The following SPHKAP variants were observed in gnomAD, a reference collection of about 807,000 sequenced individuals.
The protein encoded by SPHKAP is A-kinase anchor protein SPHKAP.
Under a neutral mutation model 137.5 loss-of-function variants are expected in SPHKAP, and 67 were observed. The ratio of observed to expected loss-of-function variants is 0.49; its 90% CI spans 0.40 to 0.60. SPHKAP has a LOEUF of 0.60. Ranked by LOEUF, SPHKAP falls within the 20% of genes least tolerant of loss-of-function variation. The probability of loss-of-function intolerance (pLI) is 0.00; values close to 1 mark genes in which losing one functional copy is unlikely to be tolerated. For synonymous variants in SPHKAP, 813 were observed against 785.3 expected (o/e 1.04, Z -0.59); for missense variants, 2,097 against 2,069.3 (o/e 1.01, Z -0.26).
rs185189757 is a variant in SPHKAP at position 227,984,821 on chromosome 2, A to G, written c.4960-2961T>C. On this transcript the variant is annotated intron_variant, in intron 11 of 11. Transcript: ENST00000392056. ...TTGATTTGTTTCTCGAGACTTCTCT[A>G]AGGTATCCCCAGTAGTCTTGGTGCC... Among the ~76,000 whole-genome samples, 478 of 152,278 alleles carry G rather than the reference A, an allele frequency of 3.1e-3. 1 individual carries two copies. The highest frequency in any genetic ancestry group is 5.8e-3 in the Non-Finnish European group (396 of 68,030).
intron 7 of SPHKAP, among the ~76,000 whole-genome samples, chr2:228,001,427 AT>A (rs1693875680): frequency 7.2e-6 from 1 of 139,472 alleles, no homozygotes; most frequent in African/African-American, 2.6e-5. Flanking sequence ...AAATATATAC[AT>A]ATATAAATAT....
chr2:228,174,073 C>T (rs1296177301), intron 1 of SPHKAP, among the ~76,000 whole-genome samples: 2 of 152,132 alleles, frequency 1.3e-5, no homozygotes, highest in African/African-American at 4.8e-5. Context: ...ATTCTTAGCT[C>T]TATTGGGAAC....
intron 1 of SPHKAP, among the ~76,000 whole-genome samples, chr2:228,175,212 C>T (rs773915336): frequency 7.2e-5 from 11 of 151,872 alleles, no homozygotes; most frequent in Non-Finnish European, 1.6e-4. Flanking sequence ...ATCCAAGAAG[C>T]TCTTTGGATA....
intron 4 of SPHKAP, among the ~76,000 whole-genome samples, chr2:228,026,825 T>C (rs1196102886): frequency 6.6e-6 from 1 of 152,210 alleles, no homozygotes; most frequent in Admixed American, 6.5e-5. Flanking sequence ...AACCGAGTAA[T>C]TGCAGGTCTA....
At chr2:228,123,224 T>C (rs1698966754) in intron 2 of SPHKAP, among the ~76,000 whole-genome samples, 1 of 152,200 alleles carries the variant, frequency 6.6e-6, no homozygotes, top group Admixed American at 6.6e-5. Flanking sequence ...ATTCTCTATT[T>C]TTTTCTTAAA....
chr2:228,167,296 CA>C (rs771878888), intron 1 of SPHKAP, among the ~76,000 whole-genome samples: 123 of 152,148 alleles, frequency 8.1e-4, no homozygotes, highest in Middle Eastern at 3.2e-3. Context: ...GAAGTCACCA[CA>C]TTTTTTTTCA....
intron 1 of SPHKAP, among the ~76,000 whole-genome samples, chr2:228,149,517 A>T (rs1047048713): frequency 6.6e-6 from 1 of 152,214 alleles, no homozygotes; most frequent in Non-Finnish European, 1.5e-5. Context: ...TATCAGAGAC[A>T]TAAAGGCAGG....
chr2:228,128,098 C>T (rs2106370776), intron 2 of SPHKAP, among the ~76,000 whole-genome samples: 1 of 152,264 alleles, frequency 6.6e-6, no homozygotes, highest in Admixed American at 6.5e-5. Context: ...AATAAGACAA[C>T]AATGAACGTC....
At chr2:228,168,486 A>T (rs550352182) in intron 1 of SPHKAP, among the ~76,000 whole-genome samples, 24 of 152,172 alleles carry the variant, frequency 1.6e-4, no homozygotes, top group Non-Finnish European at 2.9e-4. Context: ...TACAGCTATT[A>T]TGGTGATCTG....
At chr2:228,029,793 TG>T (rs1366791906) in intron 3 of SPHKAP, among the ~76,000 whole-genome samples, 1 of 152,142 alleles carries the variant, frequency 6.6e-6, no homozygotes, top group Non-Finnish European at 1.5e-5. Flanking sequence ...TTTAATAACA[TG>T]CAGCTGGCAC....
intron 1 of SPHKAP, among the ~76,000 whole-genome samples, chr2:228,139,019 T>A (rs1192046577): frequency 6.6e-6 from 1 of 152,146 alleles, no homozygotes; most frequent in Admixed American, 6.5e-5. Flanking sequence ...AACAGGTCAT[T>A]CATTATTAAT....
At chr2:228,163,605 T>C (rs1014918918) in intron 1 of SPHKAP, among the ~76,000 whole-genome samples, 31 of 152,132 alleles carry the variant, frequency 2.0e-4, no homozygotes, top group African/African-American at 7.5e-4. Flanking sequence ...CAGGTCAACA[T>C]GGGTGTTTGC....
intron 1 of SPHKAP, among the ~76,000 whole-genome samples, chr2:228,164,887 C>T (rs1700379210): frequency 6.6e-6 from 1 of 152,160 alleles, no homozygotes; most frequent in African/African-American, 2.4e-5. Context: ...TCTTAAAGAC[C>T]ATGTTCCCTT....
At chr2:228,025,630 A>G (rs1695004668) in intron 4 of SPHKAP, 102 bp from the exon 5 acceptor site, 1 of 1,318,990 alleles carries the variant, frequency 7.6e-7, no homozygotes, top group Non-Finnish European at 1.0e-6. Flanking sequence ...CTGCTCATAC[A>G]TATAGACTGC....
In SPHKAP at chr2:228,131,971, C is replaced by G. The variant is rs753769723; in HGVS notation, c.138+9G>C. ...CTGACAAGAAGAAAGTGGCGTAAGG[C>G]AAGGTTACCTTCTTACAGGCTGTGA... On this transcript the variant is annotated intron_variant, in intron 2 of 11. Transcript: ENST00000392056. 1 of 1,613,214 alleles carries G rather than the reference C, an allele frequency of 6.2e-7. No homozygotes were observed. Among genetic ancestry groups the G allele is most frequent in the South Asian group, 1.1e-5 (1 of 91,032 alleles).
At chr2:228,148,329 G>C (rs1045075319) in intron 1 of SPHKAP, among the ~76,000 whole-genome samples, 5 of 152,172 alleles carry the variant, frequency 3.3e-5, no homozygotes, top group African/African-American at 9.7e-5. Context: ...GAGGAAAGAG[G>C]AATGCTCTGC....
At chr2:228,035,683 G>C (rs1339977464) in intron 3 of SPHKAP, among the ~76,000 whole-genome samples, 1 of 152,094 alleles carries the variant, frequency 6.6e-6, no homozygotes, top group Admixed American at 6.6e-5. Flanking sequence ...CCAAAACAGA[G>C]ATATAGATCA....
rs1384812947 is a variant in SPHKAP, at chr2:228,021,769, G to A, written c.639C>T (p.Asp213=). ...TNCSLSSIEE[D]FLTASEHLEE... ...CCAAGTGCTCAGAAGCGGTGAGAAA[G>A]TCTTCCTCGATTGAAGATAAGGAAC... The change falls in exon 6 of 12, where the codon GAC becomes GAT. Residue 213 remains aspartate, a synonymous_variant. Coordinates refer to ENST00000392056, the MANE Select transcript of SPHKAP (RefSeq NM_001142644.2). 10 of 1,614,054 alleles carry A rather than the reference G, an allele frequency of 6.2e-6. No homozygotes were observed. Among genetic ancestry groups the A allele is most frequent in the Admixed American group, 1.7e-5 (1 of 60,008 alleles).
Position 228,016,443 on chromosome 2 carries a change from C to T in SPHKAP, c.4411G>A (p.Gly1471Ser). 1.2e-6 allele frequency: 2 copies of T among 1,610,076 alleles called. No individual in the cohort carries two copies. Among genetic ancestry groups the T allele is most frequent in the South Asian group, 2.2e-5 (2 of 90,522 alleles). Residue 1471 changes from glycine to serine, a missense_variant, in exon 7 of 12, where the codon GGT becomes AGT. Gly to Ser is a moderately conservative substitution (Grantham distance 56, BLOSUM62 0). Transcript: ENST00000392056. ...NDKNIPDVVR[G>S]GDTAVSACQI... ...CAAGCGCTCACGGCTGTGTCTCCAC[C>T]TCTCACCACATCTGGGATGTTTTTG...
Sources: gnomAD v4.1 joint callset for allele counts (sites outside exome capture counted in the v4.1 genomes callset) on GRCh38, gnomAD v4.1.1 for gene constraint, MANE v1.5 for transcripts, NCBI Gene and HGNC (gene_info 2026-07-23, HGNC 2026-07-21) for gene names.